Variants in ZDHHC11 observed in about 807,000 individuals in gnomAD.
The protein encoded by ZDHHC11 is palmitoyltransferase ZDHHC11.
In ZDHHC11, 44 loss-of-function variants were observed where a neutral mutation model predicts 51.3. The ratio of observed to expected loss-of-function variants is 0.86; its 90% CI spans 0.67 to 1.10. The LOEUF is 1.10. Ranked by LOEUF, ZDHHC11 falls within the 50% of genes least tolerant of loss-of-function variation. The probability of loss-of-function intolerance (pLI) is 0.00; values close to 1 mark genes in which losing one functional copy is unlikely to be tolerated. For missense variants in ZDHHC11, 400 were observed against 537.7 expected (o/e 0.74, Z 2.53); for synonymous variants, 163 against 222.0 (o/e 0.73, Z 2.36).
At chr5:810,583 G>C (rs1739961099) in intron 11 of ZDHHC11, among the ~76,000 whole-genome samples, 1 of 151,280 alleles carries the variant, frequency 6.6e-6, no homozygotes, top group Non-Finnish European at 1.5e-5. Context: ...CTGATCGCTA[G>C]AAACAGATGT....
intron 8 of ZDHHC11, chr5:823,485 C>T (rs375103045): frequency 6.6e-6 from 1 of 152,068 alleles, no homozygotes; most frequent in Non-Finnish European, 1.5e-5. Context: ...AGAGCATCTT[C>T]TTTGGACAAC....
Position 847,543 on chromosome 5 carries a change from G to A in ZDHHC11, c.474C>T (p.Ile158=). ...VSGFDHHCKW[I]NNCVGSRNYW... ...AATTCCGGCTTCCCACGCAGTTGTT[G>A]ATCCATTTGCAGTGGTGGTCGAAGC... is the stretch of plus-strand genomic sequence containing the variant. Residue 158 remains isoleucine, a synonymous_variant, in exon 3 of 13, where the codon ATC becomes ATT. Coordinates refer to ENST00000283441, the MANE Select transcript of ZDHHC11 (RefSeq NM_024786.3). 1.4e-6 allele frequency: 2 copies of A among 1,459,336 alleles called. No homozygotes were observed. The highest frequency in any genetic ancestry group is 1.9e-6 in the Non-Finnish European group (2 of 1,065,436). The allele number at this position is 1,459,336 out of a possible 1,614,324, so 90.4% of individuals were successfully genotyped here. A position where few individuals can be genotyped will look rare whatever the true frequency, so the allele number is the denominator to read the frequency against.
At chr5:849,181 G>T (rs1322784157) in intron 1 of ZDHHC11, among the ~76,000 whole-genome samples, 2 of 152,188 alleles carry the variant, frequency 1.3e-5, no homozygotes, top group Non-Finnish European at 2.9e-5. Flanking sequence ...TGCATACACA[G>T]CCCTGTGCCA....
chr5:813,808 G>A (rs1245029765), intron 11 of ZDHHC11, among the ~76,000 whole-genome samples: 13 of 147,894 alleles, frequency 8.8e-5, no homozygotes, highest in African/African-American at 3.1e-4. Context: ...CAGGCAGGCT[G>A]GGGACTGAGA....
At chr5:823,998 A>G in intron 8 of ZDHHC11, 1 of 451,112 alleles carries the variant, frequency 2.2e-6, no homozygotes, top group Non-Finnish European at 4.5e-6. Flanking sequence ...CTTGGACACC[A>G]GCGTCGCTGT....
upstream of ZDHHC11, among the ~76,000 whole-genome samples, chr5:859,736 C>T (rs1186771375): frequency 6.6e-6 from 1 of 152,182 alleles, no homozygotes. Context: ...CGACCCATGA[C>T]AAGGAAGGGT....
At chr5:817,911 G>A (rs1741029146) in intron 10 of ZDHHC11, among the ~76,000 whole-genome samples, 1 of 151,400 alleles carries the variant, frequency 6.6e-6, no homozygotes, top group African/African-American at 2.4e-5. Context: ...CCTCTCGAAG[G>A]GGAGGCGATG....
chr5:848,466 G>A lies in ZDHHC11; in HGVS notation c.401+16C>T, dbSNP rs534519949. ...GACCCTGACACCTTGGGGCCTCGGC[G>A]AGGGCGGGCACTCACACGGTGACCT... On this transcript the variant is annotated intron_variant, in intron 2 of 12. Transcript: ENST00000283441. 0.043 allele frequency: 54,757 copies of A among 1,266,286 alleles called. 1,077 individuals carry two copies. The highest frequency in any genetic ancestry group is 0.073 in the African/African-American group (3,909 of 53,372). The allele number at this position is 1,266,286 out of a possible 1,614,324, so 78.4% of individuals were successfully genotyped here.
Position 806,548 on chromosome 5 carries a change from G to A in ZDHHC11, c.1182-5384C>T, listed in dbSNP as rs567172495. ...TGTATAAACATGACTATATTGTAAT[G>A]CATGATCTGGTTTCTAGAATGGTAT... On this transcript the variant is annotated intron_variant, in intron 11 of 12. Coordinates refer to ENST00000283441, the MANE Select transcript of ZDHHC11 (RefSeq NM_024786.3). 3.3e-5 allele frequency among the ~76,000 whole-genome samples: 5 copies of A among 151,284 alleles called. No individual in the cohort carries two copies. The South Asian group carries it at 1.0e-3, about 32-fold the overall frequency.
chr5:805,062 C>CTG (rs1221088210), intron 11 of ZDHHC11, among the ~76,000 whole-genome samples: 1 of 151,228 alleles, frequency 6.6e-6, no homozygotes, highest in Non-Finnish European at 1.5e-5. Context: ...TGGGTGCACA[C>CTG]TGTATAAAGA....
rs573578295 is a variant in ZDHHC11, at chr5:831,036, C to G, written c.935+2737G>C. ...AATCTACAAGATATCATCAGAAAAA[C>G]TTTTGTAGGCATTGACTTCGGCAAA... On this transcript the variant is annotated intron_variant, in intron 7 of 12. Transcript: ENST00000283441. Among the ~76,000 whole-genome samples the G allele has an allele frequency of 3.1e-4, 47 of 150,152 alleles. 1 individual carries two copies. The Middle Eastern group carries it at 0.024, about 77-fold the overall frequency.
At chr5:841,955 C>T (rs1483975924) in intron 4 of ZDHHC11, 5 of 989,318 alleles carry the variant, frequency 5.1e-6, no homozygotes, top group South Asian at 4.6e-5. Flanking sequence ...CTGACAGGAC[C>T]GCAGCTCCAT....
chr5:831,208 A>C (rs1343299426), intron 7 of ZDHHC11, among the ~76,000 whole-genome samples: 1 of 149,664 alleles, frequency 6.7e-6, no homozygotes, highest in Non-Finnish European at 1.5e-5. Flanking sequence ...CACGGAAAGG[A>C]AGAAAATATT....
chr5:827,316 C>T lies in ZDHHC11; in HGVS notation c.936-2065G>A, dbSNP rs558365591. Among the ~76,000 whole-genome samples the T allele has an allele frequency of 1.3e-3, 198 of 149,132 alleles. 1 individual carries two copies. The highest frequency in any genetic ancestry group is 4.8e-3 in the African/African-American group (193 of 40,602). On this transcript the variant is annotated intron_variant, in intron 7 of 12. Transcript: ENST00000283441. ...TTACAGGACTGAGAAAACAGTAACA[C>T]AAATTAAAAAACCAAGGTATTCAGG...
intron 12 of ZDHHC11, among the ~76,000 whole-genome samples, chr5:798,819 T>G (rs1261067000): frequency 6.6e-6 from 1 of 151,978 alleles, no homozygotes; most frequent in African/African-American, 2.4e-5. Flanking sequence ...GCTAATTCAT[T>G]TCGAAAGCAC....
intron 9 of ZDHHC11, 83 bp downstream of exon 9, chr5:821,778 T>C (rs1741600890): frequency 2.2e-6 from 3 of 1,357,500 alleles, no homozygotes. Context: ...GGATGACATA[T>C]TTTCCTAAGT....
At chr5:837,510 G>A in intron 5 of ZDHHC11, 30 bp from the exon 6 acceptor site, 2 of 1,603,948 alleles carry the variant, frequency 1.2e-6, no homozygotes, top group South Asian at 2.2e-5. Flanking sequence ...AACAGGACAA[G>A]ATACCAGCCC....
chr5:820,134 T>C (rs189667641), intron 9 of ZDHHC11, among the ~76,000 whole-genome samples: 1 of 151,582 alleles, frequency 6.6e-6, no homozygotes, highest in East Asian at 1.9e-4. Flanking sequence ...AGAAAGTTTG[T>C]AATTCCGGTT....
chr5:800,277 T>A (rs1392412013), intron 12 of ZDHHC11, among the ~76,000 whole-genome samples: 1 of 150,758 alleles, frequency 6.6e-6, no homozygotes, highest in African/African-American at 2.4e-5. Context: ...GGATACAGTA[T>A]GCCCTATACC....
Sources: allele counts gnomAD v4.1 joint callset (sites outside exome capture counted in the v4.1 genomes callset), GRCh38; gene constraint gnomAD v4.1.1; transcripts MANE v1.5; gene names NCBI Gene and HGNC (gene_info 2026-07-23, HGNC 2026-07-21).